The following MED13L variants were observed in gnomAD, a reference collection of about 807,000 sequenced individuals.
MED13L encodes mediator of RNA polymerase II transcription subunit 13-like.
A neutral mutation model predicts 220.9 loss-of-function variants in MED13L; 7 were observed. That is an observed-to-expected ratio of 0.03 (90% confidence interval 0.02 to 0.06). The LOEUF is 0.06. MED13L is among the 10% of genes least tolerant of loss of function. MED13L has a pLI of 1.00. For synonymous variants in MED13L, 1,011 were observed against 1,015.2 expected, an observed-to-expected ratio of 1.00 and a Z score of 0.08; for missense variants, 1,965 against 2,760.5, an observed-to-expected ratio of 0.71 and a Z score of 6.46.
chr12:116,128,119 G>GT (rs1258306042), intron 2 of MED13L, among the ~76,000 whole-genome samples: 2 of 152,150 alleles, frequency 1.3e-5, no homozygotes, highest in Non-Finnish European at 2.9e-5. Context: ...GCAGACAACT[G>GT]TAAGAAATTA....
chr12:116,187,570 C>A (rs1880977453), intron 2 of MED13L, among the ~76,000 whole-genome samples: 1 of 152,054 alleles, frequency 6.6e-6, no homozygotes, highest in Non-Finnish European at 1.5e-5. Flanking sequence ...TGCAAAAGTT[C>A]AATTTATCAG....
At chr12:116,181,510 TTTTTG>T (rs1192769535) in intron 2 of MED13L, among the ~76,000 whole-genome samples, 1 of 152,176 alleles carries the variant, frequency 6.6e-6, no homozygotes, top group African/African-American at 2.4e-5. Context: ...AAAGTTTGTT[TTTTTG>T]TTTTGTTTTG....
chr12:116,180,242 G>A (rs1880422060), intron 2 of MED13L, among the ~76,000 whole-genome samples: 1 of 152,134 alleles, frequency 6.6e-6, no homozygotes, highest in Non-Finnish European at 1.5e-5. Flanking sequence ...TGTCAATACA[G>A]GTTGAGCATT....
At chr12:116,241,720 T>TA (rs1230482276) in intron 1 of MED13L, among the ~76,000 whole-genome samples, 2 of 152,220 alleles carry the variant, frequency 1.3e-5, no homozygotes, top group Non-Finnish European at 2.9e-5. Flanking sequence ...GCTACAAACT[T>TA]AAACACCTGG....
At chr12:116,004,839 G>A (rs539061585) in intron 13 of MED13L, among the ~76,000 whole-genome samples, 2 of 152,054 alleles carry the variant, frequency 1.3e-5, no homozygotes, top group South Asian at 2.1e-4. Context: ...TTAAAGTTTG[G>A]GCTTTAGAAA....
At position 116,096,705 on chromosome 12, in the gene MED13L, C is replaced by G. The variant is rs1461395322; in HGVS notation, c.443G>C (p.Arg148Pro). ...TGGCTTTTCATCCTTTTCGTAGGGT[C>G]GGACAAACCATTTCCCAATCCTAAC... ...NFVRIGKWFV[R>P]PYEKDEKPVN... Residue 148 changes from arginine to proline, a missense_variant, in exon 4 of 31, where the codon CGA becomes CCA. This residue lies in a region of MED13L where 818 missense variants were observed against 1,041.2 expected (regional missense o/e 0.79). Coordinates refer to ENST00000281928, the MANE Select transcript of MED13L (RefSeq NM_015335.5). 17 of 1,613,920 alleles carry G rather than the reference C, an allele frequency of 1.1e-5. No homozygotes were observed. The highest frequency in any genetic ancestry group is 1.4e-5 in the Non-Finnish European group (17 of 1,179,936).
chr12:116,003,531 T>C (rs753205711), intron 13 of MED13L, among the ~76,000 whole-genome samples: 1 of 151,934 alleles, frequency 6.6e-6, no homozygotes, highest in Non-Finnish European at 1.5e-5. Flanking sequence ...CAACAAACTA[T>C]GTATCTTCTG....
intron 5 of MED13L, among the ~76,000 whole-genome samples, chr12:116,021,427 T>TA (rs1204937488): frequency 1.3e-5 from 2 of 152,182 alleles, no homozygotes; most frequent in Non-Finnish European, 2.9e-5. Flanking sequence ...AAAATTCTGA[T>TA]AAGCCATAAT....
At chr12:116,102,703 C>CTTTTTCCT (rs1873177298) in intron 3 of MED13L, among the ~76,000 whole-genome samples, 3 of 63,204 alleles carry the variant, frequency 4.7e-5, no homozygotes, top group African/African-American at 1.6e-4. Context: ...TTTTCTTTTT[C>CTTTTTCCT]TTTTTTCTTT....
Position 115,986,380 on chromosome 12 carries a change from C to T in MED13L, c.4224G>A (p.Leu1408=). ...CACGGTGGCCCCCATATGGGTCCAA[C>T]AAGAGCCTCTCCCAAAACGGCAAGG... is the stretch of plus-strand genomic sequence containing the variant. The part of the protein sequence containing the change: ...PFSLPFWERL[L]LDPYGGHRDV... Residue 1408 remains leucine, a synonymous_variant, in exon 19 of 31, where the codon TTG becomes TTA. Coordinates refer to ENST00000281928, the MANE Select transcript of MED13L (RefSeq NM_015335.5). The T allele has an allele frequency of 1.2e-6, 2 of 1,614,148 alleles. No homozygotes were observed. The highest frequency in any genetic ancestry group is 1.7e-6 in the Non-Finnish European group (2 of 1,180,012).
intron 2 of MED13L, among the ~76,000 whole-genome samples, chr12:116,114,554 T>A (rs974877481): frequency 6.6e-6 from 1 of 152,170 alleles, no homozygotes; most frequent in Admixed American, 6.6e-5. Context: ...ATTAACATCA[T>A]ACTTAGTGGC....
chr12:115,994,399 G>T (rs1440178533), intron 16 of MED13L, among the ~76,000 whole-genome samples: 1 of 152,108 alleles, frequency 6.6e-6, no homozygotes, highest in Admixed American at 6.5e-5. Context: ...GCAGTGAGCT[G>T]TGATTGTGCC....
At chr12:116,029,957 T>TTTGTTTGTTTG (rs1566019394) in intron 4 of MED13L, among the ~76,000 whole-genome samples, 3 of 151,746 alleles carry the variant, frequency 2.0e-5, no homozygotes, top group Non-Finnish European at 2.9e-5. Context: ...TTTTTGGGTT[T>TTTGTTTGTTTG]TTTGTTTGTT....
Position 115,983,398 on chromosome 12 carries a change from A to C in MED13L, c.4674T>G (p.Ala1558=). The C allele has an allele frequency of 6.2e-7, 1 of 1,614,220 alleles. No individual in the cohort carries two copies. The highest frequency in any genetic ancestry group is 8.5e-7 in the Non-Finnish European group (1 of 1,180,016). Residue 1558 remains alanine (A), a synonymous_variant, in exon 21 of 31, where the codon GCT becomes GCG. Coordinates refer to ENST00000281928, the MANE Select transcript of MED13L (RefSeq NM_015335.5). The stretch of plus-strand genomic sequence containing the variant: ...TCGAGGTGGGATTAAATGCACTGCC[A>C]GCTGGGGGAGCTGCTGATCCATTTG... The part of the protein sequence containing the change: ...LAPNGSAAPP[A]GSAFNPTSNS...
At chr12:115,967,266 A>G (rs2137208668) in intron 28 of MED13L, among the ~76,000 whole-genome samples, 1 of 152,074 alleles carries the variant, frequency 6.6e-6, no homozygotes, top group Non-Finnish European at 1.5e-5. Context: ...AGTTGGTTAA[A>G]AAAATAAAAA....
chr12:116,253,518 T>C (rs912232937), intron 1 of MED13L, among the ~76,000 whole-genome samples: 2 of 151,974 alleles, frequency 1.3e-5, no homozygotes, highest in African/African-American at 4.8e-5. Context: ...GCCAATATCC[T>C]TCATAAACAC....
intron 2 of MED13L, among the ~76,000 whole-genome samples, chr12:116,118,969 C>A (rs765063739): frequency 6.6e-6 from 1 of 152,066 alleles, no homozygotes. Flanking sequence ...AGAAAACAAT[C>A]ATTCTTGTTT....
chr12:115,979,854 AAAGG>A (rs1304931620), intron 23 of MED13L, among the ~76,000 whole-genome samples: 2 of 152,250 alleles, frequency 1.3e-5, no homozygotes, highest in African/African-American at 4.8e-5. Context: ...TTAGAAAAAC[AAAGG>A]AAGTGTAAAA....
chr12:116,058,751 T>G (rs1408572199), intron 4 of MED13L, among the ~76,000 whole-genome samples: 1 of 152,194 alleles, frequency 6.6e-6, no homozygotes, highest in Non-Finnish European at 1.5e-5. Flanking sequence ...AACAACAGCA[T>G]AGTAGAGTAG....
Sources: allele counts gnomAD v4.1 joint callset (sites outside exome capture counted in the v4.1 genomes callset), GRCh38; gene constraint gnomAD v4.1.1; regional missense constraint gnomAD v4.1.1; transcripts MANE v1.5; gene names NCBI Gene and HGNC (gene_info 2026-07-23, HGNC 2026-07-21).